PHYHD1: variants seen among roughly 807,000 people sequenced by gnomAD.
PHYHD1 encodes phytanoyl-CoA dioxygenase domain containing 1.
In PHYHD1, 42 loss-of-function variants were observed where a neutral mutation model predicts 43.6. The observed-to-expected ratio is 0.96, with a 90% confidence interval of 0.75 to 1.25. The LOEUF (loss-of-function observed/expected upper bound fraction) is 1.25. Among genes scored for constraint, PHYHD1 ranks in the 50% most tolerant of loss-of-function variants. The pLI is 0.00. For missense variants in PHYHD1, 342 were observed against 370.8 expected, an observed-to-expected ratio of 0.92 and a Z score of 0.64; for synonymous variants, 139 against 143.6, an observed-to-expected ratio of 0.97 and a Z score of 0.23.
intron 3 of PHYHD1, 143 bp from the exon 4 acceptor site, chr9:128,926,888 TTGCTGGG>T: frequency 9.6e-7 from 1 of 1,043,244 alleles, no homozygotes; most frequent in Non-Finnish European, 1.5e-6. Context: ...TGATTGCTCT[TTGCTGGG>T]TGCCAGACTC....
At chr9:128,936,739 AATT>A in intron 8 of PHYHD1, 94 bp downstream of exon 8, 2 of 1,342,096 alleles carry the variant, frequency 1.5e-6, no homozygotes, top group Non-Finnish European at 2.1e-6. Flanking sequence ...AAGTTGCTGG[AATT>A]ATTATGTTGG....
chr9:128,932,735 C>T (rs1841323162), intron 4 of PHYHD1, among the ~76,000 whole-genome samples: 1 of 62,760 alleles, frequency 1.6e-5, no homozygotes, highest in South Asian at 4.2e-4. Flanking sequence ...CTCCTGATCT[C>T]GTGATCCGCC....
In PHYHD1 at chr9:128,940,360, C is replaced by T; in HGVS notation, c.458-9C>T. The T allele has an allele frequency of 6.2e-7, 1 of 1,613,958 alleles. No individual in the cohort carries two copies. Among genetic ancestry groups the T allele is most frequent in the African/African-American group, 1.3e-5 (1 of 75,036 alleles). On this transcript the variant is annotated splice_polypyrimidine_tract_variant and intron_variant, in intron 9 of 12. Coordinates refer to ENST00000372592, the MANE Select transcript of PHYHD1 (RefSeq NM_001100876.2). ...GGATGAGCTCCTCACCCCCCGTGGGCCTGCTTAGTCTCCCCTCATCAGGAC... is the reference window on the plus strand; with the variant it reads ...GGATGAGCTCCTCACCCCCCGTGGGTCTGCTTAGTCTCCCCTCATCAGGAC...
intron 12 of PHYHD1, 45 bp from the exon 13 acceptor site, chr9:128,941,623 C>G (rs370889541): frequency 9.3e-6 from 15 of 1,614,072 alleles, no homozygotes; most frequent in African/African-American, 1.3e-5. Flanking sequence ...AGGCTGGGAA[C>G]AGTGACCCTG....
In PHYHD1 at chr9:128,940,398, T is replaced by C; in HGVS notation, c.487T>C (p.Tyr163His). 1 of 1,614,180 alleles carries C rather than the reference T, an allele frequency of 6.2e-7. No homozygotes were observed. Among genetic ancestry groups the C allele is most frequent in the South Asian group, 1.1e-5 (1 of 91,078 alleles). The stretch of plus-strand genomic sequence containing the variant: ...CCCTCATCAGGACGCCTCCTTCCTG[T>C]ACACGGAGCCCCTGGGCCGGGTGCT... ...VSPHQDASFL[Y>H]TEPLGRVLGV... The change falls in exon 10 of 13, where the codon TAC becomes CAC. Residue 163 changes from tyrosine (Y) to histidine (H), a missense_variant. Tyr to His is a moderately conservative substitution (Grantham distance 83). Transcript: ENST00000372592.
At chr9:128,936,699 C>T in intron 8 of PHYHD1, 54 bp downstream of exon 8, 2 of 1,529,580 alleles carry the variant, frequency 1.3e-6, no homozygotes, top group Non-Finnish European at 1.8e-6. Flanking sequence ...GCAGACTGCT[C>T]ATACCAAGCC....
intron 6 of PHYHD1, among the ~76,000 whole-genome samples, chr9:128,934,694 A>T (rs1185659521): frequency 6.6e-6 from 1 of 150,424 alleles, no homozygotes; most frequent in African/African-American, 2.4e-5. Flanking sequence ...CTTGAACCCG[A>T]GAGGCTGAGG....
At chr9:128,927,320 C>T (rs1353326697) in intron 4 of PHYHD1, 124 bp downstream of exon 4, 5 of 1,151,574 alleles carry the variant, frequency 4.3e-6, no homozygotes, top group South Asian at 4.1e-5. Context: ...GCCCCTTACA[C>T]ACCTTTCCCT....
chr9:128,941,721 C>G lies in PHYHD1; in HGVS notation c.*8C>G, dbSNP rs201447406. 1 of 1,614,162 alleles carries G rather than the reference C, an allele frequency of 6.2e-7. No homozygotes were observed. The highest frequency in any genetic ancestry group is 1.7e-5 in the Admixed American group (1 of 60,018). On this transcript the variant is annotated 3_prime_UTR_variant, in exon 13 of 13. Transcript: ENST00000372592. ...CCCCAACTGTACACCTAAAGGCTCT[C>G]GCAGGGCAGGAGCCCTCGCCCCTCC...
chr9:128,937,761 C>G lies in PHYHD1; in HGVS notation c.440C>G (p.Pro147Arg), dbSNP rs763128703. The change falls in exon 9 of 13, where the codon CCT becomes CGT. Residue 147 changes from proline (P) to arginine (R), a missense_variant. By Grantham distance (103) the Pro-to-Arg change is moderately radical (BLOSUM62 -2). Transcript: ENST00000372592. ...VVQSMYIFKQPHFGGEVSPHQ... is the reference protein window; with the variant it reads ...VVQSMYIFKQRHFGGEVSPHQ... ...GGCTTTTCCTCTCTCTTGCAGCAAC[C>G]TCACTTTGGCGGTGAAGGTGAGCTG... 3 of 1,614,000 alleles carry G rather than the reference C, an allele frequency of 1.9e-6. No individual in the cohort carries two copies. Among genetic ancestry groups the G allele is most frequent in the Non-Finnish European group, 2.5e-6 (3 of 1,180,026 alleles).
chr9:128,931,865 G>T (rs1841287740), intron 4 of PHYHD1, among the ~76,000 whole-genome samples: 1 of 148,682 alleles, frequency 6.7e-6, no homozygotes, highest in Non-Finnish European at 1.5e-5. Flanking sequence ...ATGGAGTTTT[G>T]CTCTTGTTGC....
chr9:128,924,331 T>C (rs1340262937), intron 3 of PHYHD1, among the ~76,000 whole-genome samples: 1 of 152,126 alleles, frequency 6.6e-6, no homozygotes, highest in Non-Finnish European at 1.5e-5. Flanking sequence ...GGCAGGAGAA[T>C]GGTGTGAACC....
At chr9:128,939,672 T>TTTTTTTTTTTTTA (rs1564543187) in intron 9 of PHYHD1, among the ~76,000 whole-genome samples, 2 of 124,200 alleles carry the variant, frequency 1.6e-5, no homozygotes, top group African/African-American at 5.3e-5. Context: ...TTTTTTTTTT[T>TTTTTTTTTTTTTA]GAGAGGGAGT....
intron 9 of PHYHD1, among the ~76,000 whole-genome samples, 153 bp from the exon 10 acceptor site, chr9:128,940,216 A>T (rs1841521871): frequency 6.6e-6 from 1 of 152,180 alleles, no homozygotes; most frequent in Non-Finnish European, 1.5e-5. Flanking sequence ...CGCTTGCCTT[A>T]GAGTCCTGGG....
chr9:128,941,345 CCACAAAACCA>C, intron 11 of PHYHD1, 90 bp from the exon 12 acceptor site: 1 of 1,491,236 alleles, frequency 6.7e-7, no homozygotes, highest in Non-Finnish European at 9.1e-7. Flanking sequence ...TGGATGGGGG[CCACAAAACCA>C]CTGGAAGGAG....
Position 128,941,446 on chromosome 9 carries a change from G to A in PHYHD1, c.705G>A (p.Gly235=). The change falls in exon 12 of 13, where the codon GGG becomes GGA. Residue 235 remains glycine (G), a splice_region_variant and synonymous_variant. Coordinates refer to ENST00000372592, the MANE Select transcript of PHYHD1 (RefSeq NM_001100876.2). ...SLFVPTPVQR[G]ALVLIHGEVV... is the part of the protein sequence containing the mutation. ...CTGACCTGCTTGTGTCTCTGCCAGG[G>A]GCCCTGGTCCTCATCCATGGAGAAG... The A allele has an allele frequency of 6.2e-7, 1 of 1,613,190 alleles. No individual in the cohort carries two copies.
At chr9:128,937,843 T>C in intron 9 of PHYHD1, 65 bp downstream of exon 9, 1 of 1,612,302 alleles carries the variant, frequency 6.2e-7, no homozygotes, top group Non-Finnish European at 8.5e-7. Flanking sequence ...GCAATGGTTC[T>C]CAGATCTTCA....
At position 128,929,172 on chromosome 9, in the gene PHYHD1, T is replaced by A. The variant is rs187267129; in HGVS notation, c.192+1976T>A. ...AGTGAGACCTGTCTCTACAAAAAAA[T>A]TTTTTTAAATTAGCTGGGCATGGTG... On this transcript the variant is annotated intron_variant, in intron 4 of 12. Coordinates refer to ENST00000372592, the MANE Select transcript of PHYHD1 (RefSeq NM_001100876.2). 6.5e-3 allele frequency among the ~76,000 whole-genome samples: 984 copies of A among 151,868 alleles called. 11 individuals are homozygous for A. Among genetic ancestry groups the A allele is most frequent in the Non-Finnish European group, 8.9e-3 (607 of 67,934 alleles).
At chr9:128,929,867 A>G (rs1296510269) in intron 4 of PHYHD1, among the ~76,000 whole-genome samples, 15 of 151,516 alleles carry the variant, frequency 9.9e-5, no homozygotes, top group Admixed American at 9.9e-4. Flanking sequence ...GCTCAAGCCT[A>G]TAATCCTAGC....
Sources: gnomAD v4.1 joint callset for allele counts (sites outside exome capture counted in the v4.1 genomes callset) on GRCh38, gnomAD v4.1.1 for gene constraint, MANE v1.5 for transcripts, NCBI Gene and HGNC (gene_info 2026-07-23, HGNC 2026-07-21) for gene names.